The following PEBP4 variants were observed in gnomAD, a reference collection of about 807,000 sequenced individuals.
The protein encoded by PEBP4 is phosphatidylethanolamine-binding protein 4.
Under a neutral mutation model 23.9 loss-of-function variants are expected in PEBP4, and 22 were observed. The ratio of observed to expected loss-of-function variants is 0.92; its 90% CI spans 0.66 to 1.31. The LOEUF (loss-of-function observed/expected upper bound fraction) is 1.31, where lower values mean the gene tolerates loss of function less well. Among genes scored for constraint, PEBP4 ranks in the 40% most tolerant of loss-of-function variants. The probability of loss-of-function intolerance (pLI) is 0.00; values close to 1 mark genes in which losing one functional copy is unlikely to be tolerated. For synonymous variants in PEBP4, 112 were observed against 99.3 expected, an observed-to-expected ratio of 1.13 and a Z score of -0.76; for missense variants, 324 against 281.7, an observed-to-expected ratio of 1.15 and a Z score of -1.07.
intron 4 of PEBP4, among the ~76,000 whole-genome samples, chr8:22,756,374 C>T (rs1009233812): frequency 1.3e-5 from 2 of 152,332 alleles, no homozygotes; most frequent in African/African-American, 4.8e-5. Flanking sequence ...TAACAGTGAG[C>T]GAGGGAGGCT....
At chr8:22,730,282 A>C (rs1414919975) in intron 4 of PEBP4, among the ~76,000 whole-genome samples, 1 of 152,250 alleles carries the variant, frequency 6.6e-6, no homozygotes, top group Non-Finnish European at 1.5e-5. Flanking sequence ...CACACCTGTA[A>C]TCCCAGCACT....
intron 3 of PEBP4, among the ~76,000 whole-genome samples, chr8:22,898,427 A>C (rs1808640225): frequency 2.5e-5 from 3 of 119,418 alleles, no homozygotes; most frequent in Non-Finnish European, 3.7e-5. Flanking sequence ...AAAAAAAAAA[A>C]AAAACCCACC....
intron 3 of PEBP4, among the ~76,000 whole-genome samples, chr8:22,894,317 A>T (rs917009821): frequency 3.9e-5 from 6 of 152,184 alleles, no homozygotes; most frequent in Non-Finnish European, 8.8e-5. Context: ...TCACTCTATA[A>T]TCCCAGCACT....
rs376474981 is a variant in PEBP4 at position 22,891,414 on chromosome 8, C to A, written c.258+28770G>T. ...ACATCCTCATCTCCCTCCAATGAAA[C>A]CCAAGTAACAAATCCAAGAAGTGTT... On this transcript the variant is annotated intron_variant, in intron 3 of 6. Transcript: ENST00000256404. 3.2e-4 allele frequency among the ~76,000 whole-genome samples: 48 copies of A among 152,308 alleles called. 1 individual carries two copies. The South Asian group carries it at 9.5e-3, about 30-fold the overall frequency.
intron 4 of PEBP4, among the ~76,000 whole-genome samples, chr8:22,754,553 TGA>T (rs1043797818): frequency 1.3e-5 from 2 of 152,194 alleles, no homozygotes; most frequent in African/African-American, 4.8e-5. Flanking sequence ...GGCCTGGAAG[TGA>T]GAGAGCCTTT....
upstream of PEBP4, chr8:22,927,973 G>C: frequency 2.2e-6 from 1 of 451,944 alleles, no homozygotes; most frequent in Non-Finnish European, 4.0e-6. Flanking sequence ...CCCCTGGCAG[G>C]ACACAGCTTT....
intron 6 of PEBP4, among the ~76,000 whole-genome samples, chr8:22,715,465 GT>G (rs1393037535): frequency 6.6e-6 from 1 of 152,236 alleles, no homozygotes; most frequent in Non-Finnish European, 1.5e-5. Context: ...GGGCTTATGG[GT>G]GAATTGGTGT....
At chr8:22,765,098 CTTCTTCCTTCCTTTAT>C (rs1245804898) in intron 4 of PEBP4, among the ~76,000 whole-genome samples, 5 of 135,710 alleles carry the variant, frequency 3.7e-5, no homozygotes, top group Non-Finnish European at 8.1e-5. Flanking sequence ...AGTTTCTTTC[CTTCTTCCTTCCTTTAT>C]TTCTTCCTTC....
intron 4 of PEBP4, among the ~76,000 whole-genome samples, chr8:22,746,980 C>T (rs185740228): frequency 4.4e-4 from 67 of 152,222 alleles, no homozygotes; most frequent in Admixed American, 1.4e-3. Flanking sequence ...CATGTACCAC[C>T]ACACCCAGCT....
At chr8:22,928,442 AATCGT>A (rs538345922), upstream of PEBP4, among the ~76,000 whole-genome samples, 615 of 152,250 alleles carry the variant, frequency 4.0e-3, 2 homozygotes, top group African/African-American at 0.015. Context: ...CTCCCAAAAT[AATCGT>A]ATCTGGAGAA....
intron 3 of PEBP4, among the ~76,000 whole-genome samples, chr8:22,868,596 T>A (rs555306597): frequency 2.0e-5 from 3 of 152,290 alleles, no homozygotes; most frequent in Admixed American, 6.5e-5. Flanking sequence ...TCAAACAGTG[T>A]AAACAAAACA....
chr8:22,842,257 C>T (rs941274231), intron 3 of PEBP4, among the ~76,000 whole-genome samples: 3 of 152,126 alleles, frequency 2.0e-5, no homozygotes, highest in African/African-American at 4.8e-5. Context: ...GGCGGATGGT[C>T]GATTCACAGT....
At chr8:22,737,247 T>G (rs1311226848) in intron 4 of PEBP4, among the ~76,000 whole-genome samples, 1 of 145,518 alleles carries the variant, frequency 6.9e-6, no homozygotes, top group Non-Finnish European at 1.5e-5. Context: ...TGAGATCAGA[T>G]TGAGCCACTG....
intron 3 of PEBP4, among the ~76,000 whole-genome samples, chr8:22,898,514 G>A (rs1808642686): frequency 1.4e-5 from 2 of 147,240 alleles, no homozygotes; most frequent in African/African-American, 5.0e-5. Flanking sequence ...CTCCCAGCCA[G>A]CCATCAGTGG....
chr8:22,842,123 A>C (rs1451219336), intron 3 of PEBP4, among the ~76,000 whole-genome samples: 1 of 152,246 alleles, frequency 6.6e-6, no homozygotes, highest in Non-Finnish European at 1.5e-5. Flanking sequence ...AAAAGGAAGC[A>C]GTTAGTACAG....
At position 22,927,818 on chromosome 8, in the gene PEBP4, G is replaced by C. The variant is rs1433575625; in HGVS notation, c.-7+5C>G. 1 of 1,476,234 alleles carries C rather than the reference G, an allele frequency of 6.8e-7. No homozygotes were observed. The highest frequency in any genetic ancestry group is 9.2e-7 in the Non-Finnish European group (1 of 1,085,256). The allele number at this position is 1,476,234 out of a possible 1,614,324, so 91.4% of individuals were successfully genotyped here. ...CCCCAGGGGCCCACTTGGCAGGATAGAGACCTCTGGTTAAGCACAGGGAGA... is the reference window on the plus strand; with the variant it reads ...CCCCAGGGGCCCACTTGGCAGGATACAGACCTCTGGTTAAGCACAGGGAGA... On this transcript the variant is annotated splice_donor_5th_base_variant and intron_variant, in intron 1 of 6. Coordinates refer to ENST00000256404, the MANE Select transcript of PEBP4 (RefSeq NM_144962.3).
intron 3 of PEBP4, among the ~76,000 whole-genome samples, chr8:22,867,786 A>G (rs1310980674): frequency 6.6e-6 from 1 of 152,194 alleles, no homozygotes; most frequent in Non-Finnish European, 1.5e-5. Context: ...CCACTTCAAC[A>G]AGAGAGACTC....
At chr8:22,774,493 C>T (rs9644057) in intron 4 of PEBP4, among the ~76,000 whole-genome samples, 31,615 of 152,176 alleles carry the variant, frequency 0.21, 3,658 homozygotes, top group East Asian at 0.5. Context: ...TGTCTACTCA[C>T]TGACACACAG....
chr8:22,769,590 A>G (rs867310955), intron 4 of PEBP4, among the ~76,000 whole-genome samples: 6 of 152,122 alleles, frequency 3.9e-5, no homozygotes, highest in African/African-American at 1.4e-4. Context: ...GGAATAGAAC[A>G]GGGCCTTTCC....
Sources: gnomAD v4.1 joint callset for allele counts (sites outside exome capture counted in the v4.1 genomes callset) on GRCh38, gnomAD v4.1.1 for gene constraint, MANE v1.5 for transcripts, NCBI Gene and HGNC (gene_info 2026-07-23, HGNC 2026-07-21) for gene names.